Variants in HIVEP2 observed in about 807,000 individuals in gnomAD.
HIVEP2 encodes HIVEP zinc finger 2.
Under a neutral mutation model 180.7 loss-of-function variants are expected in HIVEP2, and 14 were observed. The ratio of observed to expected loss-of-function variants is 0.08; its 90% CI spans 0.05 to 0.12. The LOEUF is 0.12. Ranked by LOEUF, HIVEP2 falls within the 10% of genes least tolerant of loss-of-function variation. The pLI is 1.00. For synonymous variants in HIVEP2, 1,184 were observed against 1,136.4 expected (o/e 1.04, Z -0.84); for missense variants, 2,579 against 3,008.5 (o/e 0.86, Z 3.34).
At chr6:142,794,508 A>G (rs1444583260) in intron 2 of HIVEP2, among the ~76,000 whole-genome samples, 1 of 152,190 alleles carries the variant, frequency 6.6e-6, no homozygotes, top group Non-Finnish European at 1.5e-5. Context: ...CGTAAATATA[A>G]CAGAAAAGGT....
chr6:142,908,351 C>T (rs1044776658), intron 1 of HIVEP2, among the ~76,000 whole-genome samples: 2 of 152,190 alleles, frequency 1.3e-5, no homozygotes, highest in African/African-American at 4.8e-5. Flanking sequence ...AAAACCTTTC[C>T]TGGTTCATGC....
rs185049130 is a variant in HIVEP2, at chr6:142,894,813, C to A, written c.-641+50286G>T. Among the ~76,000 whole-genome samples the A allele has an allele frequency of 4.6e-5, 7 of 152,234 alleles. No homozygotes were observed. The East Asian group carries it at 1.4e-3, about 29-fold the overall frequency. Reference sequence around the variant, plus strand: ...TAGAGCAGTCATTTGAACGCAGGGTCTCCGGCATCCACAGCATGTGTTCAG... The same window carrying A: ...TAGAGCAGTCATTTGAACGCAGGGTATCCGGCATCCACAGCATGTGTTCAG... On this transcript the variant is annotated intron_variant, in intron 1 of 9. Transcript: ENST00000367603.
chr6:142,930,242 T>C (rs1777910531), intron 1 of HIVEP2, among the ~76,000 whole-genome samples: 2 of 152,080 alleles, frequency 1.3e-5, no homozygotes, highest in South Asian at 4.1e-4. Context: ...CAGATATATA[T>C]AGGAATGAAG....
At chr6:142,877,303 A>G (rs1254205691) in intron 1 of HIVEP2, among the ~76,000 whole-genome samples, 1 of 152,174 alleles carries the variant, frequency 6.6e-6, no homozygotes, top group African/African-American at 2.4e-5. Context: ...TAATTATTCA[A>G]GTTTTATTAG....
chr6:142,944,355 G>A (rs1183182733), intron 1 of HIVEP2, among the ~76,000 whole-genome samples: 1 of 120,580 alleles, frequency 8.3e-6, no homozygotes, highest in African/African-American at 3.2e-5. Flanking sequence ...AGCGGATCTG[G>A]AGTCCACCCC....
intron 1 of HIVEP2, among the ~76,000 whole-genome samples, chr6:142,876,947 G>C (rs1338170919): frequency 6.6e-6 from 1 of 152,152 alleles, no homozygotes; most frequent in Non-Finnish European, 1.5e-5. Context: ...TACTCAGGAG[G>C]CTGAAGTGAG....
intron 3 of HIVEP2, among the ~76,000 whole-genome samples, chr6:142,780,520 C>T (rs1239532596): frequency 6.6e-6 from 1 of 152,132 alleles, no homozygotes; most frequent in Non-Finnish European, 1.5e-5. Flanking sequence ...GTTTCTGAGA[C>T]ATATAAAGAA....
chr6:142,831,996 A>AGACT (rs1286975516), intron 2 of HIVEP2, among the ~76,000 whole-genome samples: 3 of 152,236 alleles, frequency 2.0e-5, no homozygotes, highest in Admixed American at 1.3e-4. Flanking sequence ...GTTCAAGACC[A>AGACT]GACTGGCCAA....
chr6:142,773,865 A>C lies in HIVEP2; in HGVS notation c.874T>G (p.Ser292Ala). 1 of 1,613,582 alleles carries C rather than the reference A, an allele frequency of 6.2e-7. No homozygotes were observed. The highest frequency in any genetic ancestry group is 8.5e-7 in the Non-Finnish European group (1 of 1,180,018). Residue 292 changes from serine to alanine, a missense_variant, in exon 5 of 10, where the codon TCT (serine) becomes GCT (alanine). Ser to Ala is a moderately conservative substitution (Grantham distance 99). This residue lies in a region of HIVEP2 where 142 missense variants were observed against 135.2 expected (regional missense o/e 1.05). Transcript: ENST00000367603. ...DEESSLFAEA[S>A]DKMSPGPPIP... ...GGTGGACCAGGACTCATTTTGTCAG[A>C]AGCCTCGGCAAATAAAGAACTCTCC...
intron 1 of HIVEP2, among the ~76,000 whole-genome samples, chr6:142,887,997 C>A (rs147874074): frequency 9.7e-4 from 146 of 151,004 alleles, no homozygotes; most frequent in Non-Finnish European, 1.4e-3. Context: ...ATTAATCTTT[C>A]TAGAAACAAT....
intron 2 of HIVEP2, among the ~76,000 whole-genome samples, chr6:142,808,342 G>A (rs1229849165): frequency 1.3e-5 from 2 of 151,960 alleles, no homozygotes; most frequent in Non-Finnish European, 2.9e-5. Context: ...GAGGGAGGGA[G>A]GGATGAAGGA....
chr6:142,800,284 T>C (rs1357035874), intron 2 of HIVEP2, among the ~76,000 whole-genome samples: 1 of 152,154 alleles, frequency 6.6e-6, no homozygotes, highest in Non-Finnish European at 1.5e-5. Flanking sequence ...CATGGTATCA[T>C]ATTAGTCATT....
intron 2 of HIVEP2, among the ~76,000 whole-genome samples, chr6:142,813,980 C>T (rs568848739): frequency 6.6e-6 from 1 of 151,944 alleles, no homozygotes; most frequent in South Asian, 2.1e-4. Context: ...TAAGACATAG[C>T]CCTCAGAGTC....
rs371220575 is a variant in HIVEP2, at chr6:142,772,161, C to G, written c.2578G>C (p.Gly860Arg). 1.7e-5 allele frequency: 28 copies of G among 1,614,080 alleles called. No homozygotes were observed. In the East Asian group the frequency reaches 2.0e-4, roughly 12 times the overall value. The change falls in exon 5 of 10, where the codon GGG (glycine) becomes CGG (arginine). Residue 860 changes from glycine (G) to arginine (R), a missense_variant. Gly to Arg is a moderately radical substitution (Grantham distance 125). This residue lies in a region of HIVEP2 where 524 missense variants were observed against 563.6 expected (regional missense o/e 0.93). Transcript: ENST00000367603. The surrounding 1 kb of genome is among the most constrained non-coding windows in gnomAD (Gnocchi z 4.9). ...TGCTGAGATGGAGAGGGTTTCCCCC[C>G]ACTTTCTGCACCATCCCCAGGTGGA... ...WAPPGDGAES[G>R]GKPSPSQQVQ...
chr6:142,927,752 CCTT>C (rs1185607547), intron 1 of HIVEP2, among the ~76,000 whole-genome samples: 2 of 152,168 alleles, frequency 1.3e-5, no homozygotes, highest in African/African-American at 4.8e-5. Context: ...TTTAAAGTCT[CCTT>C]CTAAATTTCC....
At chr6:142,769,482 C>G in intron 5 of HIVEP2, 70 bp downstream of exon 5, 1 of 1,340,080 alleles carries the variant, frequency 7.5e-7, no homozygotes. Flanking sequence ...GGCCTTATAT[C>G]CTTCACTATG....
At chr6:142,775,815 C>A (rs1775683129) in intron 4 of HIVEP2, among the ~76,000 whole-genome samples, 1 of 134,228 alleles carries the variant, frequency 7.5e-6, no homozygotes. Context: ...AGCCTGGCGA[C>A]AGAGCGAGAC....
At chr6:142,776,370 C>G (rs191397944) in intron 3 of HIVEP2, among the ~76,000 whole-genome samples, 179 bp from the exon 4 acceptor site, 104 of 152,284 alleles carry the variant, frequency 6.8e-4, no homozygotes, top group South Asian at 5.2e-3. Context: ...AAACCTTACA[C>G]TGACACTGTG....
At chr6:142,769,405 T>G (rs1775462112) in intron 5 of HIVEP2, 147 bp downstream of exon 5, 2 of 669,182 alleles carry the variant, frequency 3.0e-6, no homozygotes, top group South Asian at 4.1e-5. Flanking sequence ...CTTCCACTCC[T>G]GAGTAAGGCC....
Sources: gnomAD v4.1 joint callset for allele counts (sites outside exome capture counted in the v4.1 genomes callset) on GRCh38, gnomAD v4.1.1 for gene constraint, gnomAD v4.1.1 regional missense constraint, Gnocchi (gnomAD v3.1) non-coding constraint, MANE v1.5 for transcripts, NCBI Gene and HGNC (gene_info 2026-07-23, HGNC 2026-07-21) for gene names.